The following LCK variants were observed in gnomAD, a reference collection of about 807,000 sequenced individuals.
LCK encodes tyrosine-protein kinase Lck.
In LCK, 14 loss-of-function variants were observed where a neutral mutation model predicts 64.6. The ratio of observed to expected loss-of-function variants is 0.22; its 90% CI spans 0.14 to 0.34. The LOEUF is 0.34. Among genes scored for constraint, LCK ranks in the 10% least tolerant of loss-of-function variants. LCK has a pLI of 1.00. For missense variants in LCK, 434 were observed against 668.1 expected (o/e 0.65, Z 3.86); for synonymous variants, 277 against 263.6 (o/e 1.05, Z -0.49).
intron 1 of LCK, among the ~76,000 whole-genome samples, chr1:32,263,972 C>T (rs537535110): frequency 2.9e-4 from 44 of 151,982 alleles, no homozygotes; most frequent in African/African-American, 1.0e-3. Flanking sequence ...TTTGTATAAA[C>T]AGATGTATGC....
intron 12 of LCK, among the ~76,000 whole-genome samples, chr1:32,283,079 A>G (rs566814605): frequency 6.6e-6 from 1 of 152,064 alleles, no homozygotes; most frequent in Non-Finnish European, 1.5e-5. Flanking sequence ...TCACGTGGTC[A>G]GGAGGTGGAG....
intron 12 of LCK, 145 bp from the exon 13 acceptor site, chr1:32,285,369 C>A (rs1469291182): frequency 1.1e-5 from 8 of 733,970 alleles, no homozygotes; most frequent in Middle Eastern, 3.4e-4. Context: ...TCAACAAGTA[C>A]CTCTAGTGTG....
rs766828723 is a variant in LCK, at chr1:32,285,497, C to G, written c.1328-17C>G. 21 of 1,609,304 alleles carry G rather than the reference C, an allele frequency of 1.3e-5. No individual in the cohort carries two copies. In the African/African-American group the frequency reaches 2.7e-4, roughly 20 times the overall value. ...CCAGTGCCTGACCTTGATGTCCTTTCACCCATCAACCCGTAGGGATGACCA... is the reference window on the plus strand; with the variant it reads ...CCAGTGCCTGACCTTGATGTCCTTTGACCCATCAACCCGTAGGGATGACCA... On this transcript the variant is annotated splice_polypyrimidine_tract_variant and intron_variant, in intron 12 of 12. Transcript: ENST00000336890.
rs535216753 is a variant in LCK, at chr1:32,251,933, A to T, written c.-6+562A>T. 4.7e-3 allele frequency among the ~76,000 whole-genome samples: 708 copies of T among 151,048 alleles called. 12 individuals are homozygous for T. Among genetic ancestry groups the T allele is most frequent in the South Asian group, 0.026 (122 of 4,770 alleles). On this transcript the variant is annotated intron_variant, in intron 1 of 12. Transcript: ENST00000336890. The surrounding 1 kb of genome is among the most constrained non-coding windows in gnomAD (Gnocchi z 4.0). ...GAGAGAGAGAGAGAGAGAGAGAGAG[A>T]GAGACAGAGATCACCCAAGGCATCC...
intron 1 of LCK, among the ~76,000 whole-genome samples, chr1:32,260,037 T>TTTTTA (rs973999771): frequency 5.3e-5 from 8 of 151,786 alleles, no homozygotes; most frequent in African/African-American, 1.2e-4. Flanking sequence ...TTTATTTTTA[T>TTTTTA]TTTTATTTTA....
intron 9 of LCK, 68 bp from the exon 10 acceptor site, chr1:32,279,603 G>A: frequency 6.2e-7 from 1 of 1,612,216 alleles, no homozygotes; most frequent in Non-Finnish European, 8.5e-7. Context: ...ACTCCCAGTT[G>A]GAGGAGAAAG....
intron 1 of LCK, among the ~76,000 whole-genome samples, chr1:32,256,818 TA>T (rs1338220406): frequency 6.6e-6 from 1 of 152,202 alleles, no homozygotes; most frequent in Non-Finnish European, 1.5e-5. Context: ...TAAGTGATTT[TA>T]GGGGATAATG....
chr1:32,277,529 G>C (rs1224921462), intron 9 of LCK, among the ~76,000 whole-genome samples: 3 of 152,020 alleles, frequency 2.0e-5, no homozygotes, highest in Non-Finnish European at 4.4e-5. Context: ...ACCCCTCTTG[G>C]TCTGTTACTG....
Position 32,260,023 on chromosome 1 carries a change from T to A in LCK, c.-6+8652T>A, listed in dbSNP as rs113927459. On this transcript the variant is annotated intron_variant, in intron 1 of 12. Transcript: ENST00000336890. The stretch of plus-strand genomic sequence containing the variant: ...ATGTTTTAAATGATTCATTTTTTTT[T>A]AATTTTATTTTTATTTTTATTTTAT... 1.3e-3 allele frequency among the ~76,000 whole-genome samples: 201 copies of A among 151,878 alleles called. 1 individual carries two copies. Among genetic ancestry groups the A allele is most frequent in the Middle Eastern group, 6.8e-3 (2 of 294 alleles).
At chr1:32,257,492 C>G (rs1237952266) in intron 1 of LCK, among the ~76,000 whole-genome samples, 2 of 152,034 alleles carry the variant, frequency 1.3e-5, no homozygotes, top group Admixed American at 1.3e-4. Context: ...GCTCACGTAT[C>G]TGTCTGCCCA....
Position 32,255,268 on chromosome 1 carries a change from C to A in LCK, c.-6+3897C>A, listed in dbSNP as rs148764600. Among the ~76,000 whole-genome samples, 557 of 152,260 alleles carry A rather than the reference C, an allele frequency of 3.7e-3. 2 individuals carry two copies. Among genetic ancestry groups the A allele is most frequent in the African/African-American group, 0.013 (530 of 41,544 alleles). On this transcript the variant is annotated intron_variant, in intron 1 of 12. Coordinates refer to ENST00000336890, the MANE Select transcript of LCK (RefSeq NM_005356.5). ...CATTTTACCTGGTTTGGGCCTCAGT[C>A]TTTGCATCTGTAAAATGGGGATAAT...
chr1:32,254,093 A>G (rs947062965), intron 1 of LCK, among the ~76,000 whole-genome samples: 3 of 152,264 alleles, frequency 2.0e-5, no homozygotes, highest in South Asian at 4.1e-4. Context: ...GGTACCATCC[A>G]GTAATGGGGC....
chr1:32,285,331 C>T (rs985814157), intron 12 of LCK, among the ~76,000 whole-genome samples, 183 bp from the exon 13 acceptor site: 4 of 152,106 alleles, frequency 2.6e-5, no homozygotes, highest in Admixed American at 6.6e-5. Context: ...TAATCTATAC[C>T]AGGCACTCCA....
intron 1 of LCK, among the ~76,000 whole-genome samples, chr1:32,252,336 G>A (rs1465655856): frequency 1.3e-5 from 2 of 152,110 alleles, no homozygotes; most frequent in Non-Finnish European, 2.9e-5. Flanking sequence ...CAAACCCCAG[G>A]GAGGTGGAGA....
At chr1:32,261,902 G>A (rs1639783575) in intron 1 of LCK, among the ~76,000 whole-genome samples, 1 of 135,436 alleles carries the variant, frequency 7.4e-6, no homozygotes, top group Non-Finnish European at 1.5e-5. Context: ...GCAGTGAACC[G>A]AGATCACACC....
chr1:32,251,513 T>C lies in LCK; in HGVS notation c.-6+142T>C, dbSNP rs1049101447. The C allele has an allele frequency of 1.3e-5, 2 of 152,404 alleles. No individual in the cohort carries two copies. Among genetic ancestry groups the C allele is most frequent in the African/African-American group, 4.8e-5 (2 of 41,382 alleles). 9.4% of individuals were successfully genotyped at this position (152,404 alleles called of 1,614,324 possible). On this transcript the variant is annotated intron_variant, in intron 1 of 12. Transcript: ENST00000336890. The surrounding 1 kb of genome is among the most constrained non-coding windows in gnomAD (Gnocchi z 4.0). ...GAGAAGATCCTCGCTCAAGGTCAGGTGGGAGGCAGGCAGTGTAGCTGGGTC... is the reference window on the plus strand; with the variant it reads ...GAGAAGATCCTCGCTCAAGGTCAGGCGGGAGGCAGGCAGTGTAGCTGGGTC...
chr1:32,251,715 CAG>C lies in LCK; in HGVS notation c.-6+350_-6+351del, dbSNP rs1241618418. On this transcript the variant is annotated intron_variant, in intron 1 of 12. Transcript: ENST00000336890. This position sits in a 1 kb window ranked among gnomAD's most constrained non-coding sequence, Gnocchi z 4.0. ...CCATGAGGATGAGGCTCCTGAGGCC[CAG>C]AGAGAACAAGGCACTCACTGCCCAC... Among the ~76,000 whole-genome samples the C allele has an allele frequency of 6.6e-6, 1 of 152,132 alleles. No homozygotes were observed. The highest frequency in any genetic ancestry group is 2.4e-5 in the African/African-American group (1 of 41,414).
chr1:32,276,474 G>C lies in LCK; in HGVS notation c.769G>C (p.Gly257Arg). 1 of 1,610,670 alleles carries C rather than the reference G, an allele frequency of 6.2e-7. No individual in the cohort carries two copies. The highest frequency in any genetic ancestry group is 8.5e-7 in the Non-Finnish European group (1 of 1,178,584). ...GGAGCGGCTGGGGGCTGGACAGTTC[G>C]GGGAGGTGTGGATGGGTGAGTGTGG... is the stretch of plus-strand genomic sequence containing the variant. ...LVERLGAGQF[G>R]EVWMGYYNGH... The change falls in exon 8 of 13, where the codon GGG (glycine) becomes CGG (arginine). Residue 257 changes from glycine to arginine, a missense_variant. Coordinates refer to ENST00000336890, the MANE Select transcript of LCK (RefSeq NM_005356.5). This position sits in a 1 kb window ranked among gnomAD's most constrained non-coding sequence, Gnocchi z 4.6.
intron 1 of LCK, among the ~76,000 whole-genome samples, chr1:32,257,130 G>A (rs192580283): frequency 2.0e-5 from 3 of 152,038 alleles, no homozygotes; most frequent in African/African-American, 4.8e-5. Flanking sequence ...ACCACAGCCA[G>A]CCTTAGATGC....
Sources: allele counts gnomAD v4.1 joint callset (sites outside exome capture counted in the v4.1 genomes callset), GRCh38; gene constraint gnomAD v4.1.1; non-coding constraint Gnocchi (gnomAD v3.1); transcripts MANE v1.5; gene names NCBI Gene and HGNC (gene_info 2026-07-23, HGNC 2026-07-21).